UNC13B: variants seen among roughly 807,000 people sequenced by gnomAD.
UNC13B encodes unc-13 homolog B, also known as protein unc-13 homolog B.
In UNC13B, 144 loss-of-function variants were observed where a neutral mutation model predicts 211.0. That is an observed-to-expected ratio of 0.68 (90% CI 0.60 to 0.78). UNC13B has a LOEUF of 0.78. Among genes scored for constraint, UNC13B ranks in the 30% least tolerant of loss-of-function variants. UNC13B has a pLI of 0.00. For synonymous variants in UNC13B, 709 were observed against 725.8 expected (o/e 0.98, Z 0.37); for missense variants, 1,777 against 2,002.0 (o/e 0.89, Z 2.14).
At chr9:35,257,580 C>CAAAAAAAAAAAAAAAAAAA (rs1160474466) in intron 6 of UNC13B, among the ~76,000 whole-genome samples, 1 of 36,378 alleles carries the variant, frequency 2.7e-5, no homozygotes, top group African/African-American at 1.6e-4. Context: ...GAATCTGTAT[C>CAAAAAAAAAAAAAAAAAAA]AAAAAAAAAA....
chr9:35,377,022 G>A (rs1834462954), intron 15 of UNC13B, among the ~76,000 whole-genome samples: 1 of 152,216 alleles, frequency 6.6e-6, no homozygotes, highest in Admixed American at 6.5e-5. Flanking sequence ...CTGTAGCACT[G>A]AAAGCTTTAA....
intron 11 of UNC13B, chr9:35,341,832 C>A: frequency 2.7e-6 from 2 of 748,810 alleles, no homozygotes; most frequent in Middle Eastern, 6.6e-4. Flanking sequence ...AGGTTGCAGG[C>A]AGGAAGCAGC....
intron 1 of UNC13B, among the ~76,000 whole-genome samples, chr9:35,190,356 C>T (rs1052948637): frequency 2.0e-5 from 3 of 152,158 alleles, no homozygotes; most frequent in African/African-American, 7.2e-5. Flanking sequence ...CTACTATTAG[C>T]CATTCCTTAA....
chr9:35,167,629 T>C (rs1821108624), intron 1 of UNC13B, among the ~76,000 whole-genome samples: 1 of 138,362 alleles, frequency 7.2e-6, no homozygotes, highest in African/African-American at 2.7e-5. Context: ...ACACTGTTGC[T>C]CAGGCTGGAG....
chr9:35,390,809 G>A (rs1234973037), intron 26 of UNC13B, 95 bp downstream of exon 26: 11 of 1,266,760 alleles, frequency 8.7e-6, no homozygotes, highest in African/African-American at 1.5e-5. Context: ...CAAGTTCTGG[G>A]TGAGTGGTAT....
At chr9:35,237,975 C>T (rs10972395) in intron 5 of UNC13B, 149 bp downstream of exon 5, 164,791 of 812,756 alleles carry the variant, frequency 0.2, 18,391 homozygotes, top group Non-Finnish European at 0.23. Flanking sequence ...TAACACTTCA[C>T]CCAGGGAATG....
chr9:35,402,278 T>C (rs1329818235), intron 37 of UNC13B, among the ~76,000 whole-genome samples: 1 of 150,926 alleles, frequency 6.6e-6, no homozygotes. Context: ...TGTTTTCTTT[T>C]TTTCTTTTTT....
intron 1 of UNC13B, among the ~76,000 whole-genome samples, chr9:35,203,361 A>G (rs1030173326): frequency 6.6e-6 from 1 of 152,186 alleles, no homozygotes; most frequent in African/African-American, 2.4e-5. Flanking sequence ...GGTGGTGACA[A>G]AATCTCTCAG....
At chr9:35,213,642 C>T (rs1220911504) in intron 1 of UNC13B, among the ~76,000 whole-genome samples, 1 of 152,024 alleles carries the variant, frequency 6.6e-6, no homozygotes, top group African/African-American at 2.4e-5. Flanking sequence ...AGCTAGGATT[C>T]TCAAAGGGTC....
intron 5 of UNC13B, among the ~76,000 whole-genome samples, chr9:35,238,643 C>T (rs1309330546): frequency 6.6e-6 from 1 of 151,768 alleles, no homozygotes; most frequent in Non-Finnish European, 1.5e-5. Flanking sequence ...GCAACCTCTG[C>T]CTCCTGGGTT....
At chr9:35,312,124 A>T (rs1830209265) in intron 10 of UNC13B, among the ~76,000 whole-genome samples, 1 of 152,180 alleles carries the variant, frequency 6.6e-6, no homozygotes, top group Admixed American at 6.5e-5. Flanking sequence ...TGGCGGGGAC[A>T]GTTGCCCACT....
chr9:35,293,728 GC>G (rs1829208094), intron 7 of UNC13B, among the ~76,000 whole-genome samples: 2 of 152,160 alleles, frequency 1.3e-5, no homozygotes, highest in African/African-American at 2.4e-5. Context: ...TCATCAGAAT[GC>G]TTTGTAAGCA....
intron 13 of UNC13B, among the ~76,000 whole-genome samples, chr9:35,372,327 A>AGCT (rs1834187615): frequency 6.6e-6 from 1 of 152,222 alleles, no homozygotes; most frequent in African/African-American, 2.4e-5. Context: ...GGCCCTTCCC[A>AGCT]GCTGTTCCTC....
rs917907119 is a variant in UNC13B at position 35,398,221 on chromosome 9, T to C, written c.11765T>C (p.Leu3922Pro). ...CATCTGTCCCCAAAGCCCTGCATCCTGATGAACAACGTGCAGCAACTGAGG... is the reference window on the plus strand; with the variant it reads ...CATCTGTCCCCAAAGCCCTGCATCCCGATGAACAACGTGCAGCAACTGAGG... ...YCTKEKLPCI[L>P]MNNVQQLRVQ... Residue 3922 changes from leucine to proline, a missense_variant, in exon 31 of 40, where the codon CTG (leucine) becomes CCG (proline). Physicochemically the swap from Leu to Pro is moderately conservative, Grantham distance 98 (BLOSUM62 -3). Transcript: ENST00000635942. 1.2e-6 allele frequency: 2 copies of C among 1,613,652 alleles called. No homozygotes were observed. The highest frequency in any genetic ancestry group is 8.5e-7 in the Non-Finnish European group (1 of 1,179,816).
chr9:35,190,072 A>G (rs1822570068), intron 1 of UNC13B, among the ~76,000 whole-genome samples: 1 of 152,212 alleles, frequency 6.6e-6, no homozygotes, highest in Non-Finnish European at 1.5e-5. Flanking sequence ...GCACAGCTGA[A>G]GGCAAAGAAA....
intron 2 of UNC13B, among the ~76,000 whole-genome samples, chr9:35,230,770 T>C (rs1273430296): frequency 1.3e-5 from 2 of 152,316 alleles, no homozygotes; most frequent in African/African-American, 2.4e-5. Flanking sequence ...AGGATTAACA[T>C]TGTAATAGAT....
intron 11 of UNC13B, among the ~76,000 whole-genome samples, chr9:35,330,015 G>T (rs1831278047): frequency 1.3e-5 from 2 of 152,278 alleles, no homozygotes; most frequent in South Asian, 4.1e-4. Context: ...TCCGTTTACT[G>T]TTAAATTGTT....
At chr9:35,324,976 C>T (rs981593609) in intron 11 of UNC13B, among the ~76,000 whole-genome samples, 1 of 152,254 alleles carries the variant, frequency 6.6e-6, no homozygotes, top group Admixed American at 6.5e-5. Context: ...CTCTCTAAAA[C>T]CTGTTTTACG....
intron 11 of UNC13B, chr9:35,353,075 C>T: frequency 8.1e-7 from 1 of 1,232,190 alleles, no homozygotes; most frequent in Non-Finnish European, 1.0e-6. Flanking sequence ...GTCCAGAAGG[C>T]TTGCAGCTCT....
Sources: allele counts gnomAD v4.1 joint callset (sites outside exome capture counted in the v4.1 genomes callset), GRCh38; gene constraint gnomAD v4.1.1; transcripts MANE v1.5; gene names NCBI Gene and HGNC (gene_info 2026-07-23, HGNC 2026-07-21).